The following RNF138 variants were observed in gnomAD, a reference collection of about 807,000 sequenced individuals.
The protein encoded by RNF138 is ring finger protein 138.
In RNF138, 12 loss-of-function variants were observed where a neutral mutation model predicts 31.0. The observed-to-expected ratio is 0.39, with a 90% CI of 0.25 to 0.63. The LOEUF is 0.63. RNF138 is among the 20% of genes least tolerant of loss of function. The pLI is 0.52. For missense variants in RNF138, 192 were observed against 300.1 expected (o/e 0.64, Z 2.66); for synonymous variants, 105 against 99.5 (o/e 1.06, Z -0.33).
At position 32,113,632 on chromosome 18, in the gene RNF138, C is replaced by A. The variant is rs2040168951; in HGVS notation, c.277-113C>A. 9.7e-6 allele frequency: 5 copies of A among 512,928 alleles called. No individual in the cohort carries two copies. The South Asian group carries it at 1.3e-4, about 14-fold the overall frequency. The allele number at this position is 512,928 out of a possible 1,614,324, so 31.8% of individuals were successfully genotyped here. ...TGAAATCATTTACTTTAAAAAAATA[C>A]AACTCCTGTTTAAATGGAGTATTTA... On this transcript the variant is annotated intron_variant, in intron 3 of 7. Coordinates refer to ENST00000261593, the MANE Select transcript of RNF138 (RefSeq NM_016271.5).
At chr18:32,114,884 A>G (rs1321558852) in intron 4 of RNF138, among the ~76,000 whole-genome samples, 2 of 152,068 alleles carry the variant, frequency 1.3e-5, no homozygotes, top group Non-Finnish European at 2.9e-5. Context: ...TCTGGTAAAA[A>G]CCTTTAGTGA....
rs78501371 is a variant in RNF138 at position 32,104,259 on chromosome 18, C to G, written c.111-7495C>G. On this transcript the variant is annotated intron_variant, in intron 2 of 7. Coordinates refer to ENST00000261593, the MANE Select transcript of RNF138 (RefSeq NM_016271.5). ...AACTCCTGAGGTCAAATGATCCCCC[C>G]ACTTCGGCGTCCCAAAGGGCTGAGA... Among the ~76,000 whole-genome samples, 6 of 152,044 alleles carry G rather than the reference C, an allele frequency of 3.9e-5. No homozygotes were observed. In the South Asian group the frequency reaches 8.3e-4, roughly 21 times the overall value.
intron 3 of RNF138, among the ~76,000 whole-genome samples, chr18:32,113,137 A>G (rs896286153): frequency 1.5e-4 from 23 of 152,102 alleles, no homozygotes; most frequent in Non-Finnish European, 2.8e-4. Flanking sequence ...CAGTGGCACA[A>G]TCTCGGCTCA....
intron 1 of RNF138, 52 bp from the exon 2 acceptor site, chr18:32,092,644 TCCTG>T (rs1431390482): frequency 1.1e-5 from 7 of 654,064 alleles, no homozygotes; most frequent in Non-Finnish European, 1.9e-5. Flanking sequence ...CCCGCCCCCT[TCCTG>T]GCGCGCGCTG....
chr18:32,104,491 A>G (rs1260930711), intron 2 of RNF138, among the ~76,000 whole-genome samples: 1 of 152,208 alleles, frequency 6.6e-6, no homozygotes, highest in African/African-American at 2.4e-5. Flanking sequence ...AGAAGAAGAA[A>G]TCAGATACAC....
intron 2 of RNF138, among the ~76,000 whole-genome samples, chr18:32,098,281 C>T (rs1405023725): frequency 3.3e-5 from 5 of 151,970 alleles, no homozygotes; most frequent in Non-Finnish European, 7.4e-5. Context: ...GCTAGGATTA[C>T]AGGTGTGAGC....
chr18:32,122,080 G>A (rs2040315237), intron 4 of RNF138, among the ~76,000 whole-genome samples: 2 of 152,068 alleles, frequency 1.3e-5, no homozygotes, highest in Admixed American at 6.6e-5. Context: ...TGTTGGCTAG[G>A]CTGATCTCGA....
intron 2 of RNF138, among the ~76,000 whole-genome samples, chr18:32,094,746 G>A (rs933819607): frequency 6.6e-6 from 1 of 152,104 alleles, no homozygotes; most frequent in African/African-American, 2.4e-5. Flanking sequence ...GGAGGGAGGA[G>A]AGCAAGGTGA....
At chr18:32,100,289 T>C (rs939088710) in intron 2 of RNF138, among the ~76,000 whole-genome samples, 26 of 151,328 alleles carry the variant, frequency 1.7e-4, no homozygotes, top group Admixed American at 1.1e-3. Flanking sequence ...ACCTCTATTT[T>C]ATTATTTTAT....
chr18:32,111,170 A>G (rs573414138), intron 2 of RNF138, among the ~76,000 whole-genome samples: 2 of 152,354 alleles, frequency 1.3e-5, no homozygotes, highest in East Asian at 1.9e-4. Flanking sequence ...ATAACCAAAT[A>G]TCTGTTAACA....
chr18:32,112,646 C>T (rs998469097), intron 3 of RNF138, among the ~76,000 whole-genome samples: 3 of 152,106 alleles, frequency 2.0e-5, no homozygotes, highest in African/African-American at 7.3e-5. Context: ...TGCGCCATTG[C>T]ACTCCAAACT....
At chr18:32,101,321 C>A (rs2039936047) in intron 2 of RNF138, among the ~76,000 whole-genome samples, 1 of 151,582 alleles carries the variant, frequency 6.6e-6, no homozygotes. Context: ...TAGGTTCAAG[C>A]CATTCTTCTA....
intron 4 of RNF138, among the ~76,000 whole-genome samples, chr18:32,117,003 G>C (rs2040228227): frequency 6.6e-6 from 1 of 152,186 alleles, no homozygotes; most frequent in Non-Finnish European, 1.5e-5. Flanking sequence ...CCAGGTTCAA[G>C]TGATTCTCCT....
intron 6 of RNF138, 198 bp downstream of exon 6, chr18:32,125,043 A>G (rs2040362847): frequency 1.9e-6 from 1 of 514,604 alleles, no homozygotes; most frequent in African/African-American, 1.9e-5. Flanking sequence ...TCTCATTATA[A>G]AAAGGGAGAT....
chr18:32,093,129 TCTCCCGC>T (rs1205231197), intron 2 of RNF138, among the ~76,000 whole-genome samples: 1 of 150,762 alleles, frequency 6.6e-6, no homozygotes, highest in Non-Finnish European at 1.5e-5. Context: ...GCTCTCCCGC[TCTCCCGC>T]TCTCCCGCTC....
At chr18:32,108,087 TC>T (rs2040066776) in intron 2 of RNF138, among the ~76,000 whole-genome samples, 1 of 151,262 alleles carries the variant, frequency 6.6e-6, no homozygotes, top group Non-Finnish European at 1.5e-5. Flanking sequence ...CCTCCTGACT[TC>T]AGGTGATCCA....
intron 2 of RNF138, 39 bp from the exon 3 acceptor site, chr18:32,111,715 A>AT (rs145622518): frequency 3.5e-5 from 54 of 1,532,324 alleles, no homozygotes; most frequent in Middle Eastern, 2.2e-4. Flanking sequence ...GAAGAGAGTA[A>AT]TTTTTTTTGT....
chr18:32,094,514 G>A (rs1296005226), intron 2 of RNF138, among the ~76,000 whole-genome samples: 3 of 151,928 alleles, frequency 2.0e-5, no homozygotes, highest in Non-Finnish European at 4.4e-5. Flanking sequence ...ATCCTTTTGC[G>A]GTTCATAGTG....
chr18:32,123,746 A>T (rs1274481905), intron 5 of RNF138, among the ~76,000 whole-genome samples, 172 bp downstream of exon 5: 1 of 149,388 alleles, frequency 6.7e-6, no homozygotes, highest in Non-Finnish European at 1.5e-5. Flanking sequence ...TGCGCCTCTC[A>T]GGTTCAAGTG....
Sources: allele counts gnomAD v4.1 joint callset (sites outside exome capture counted in the v4.1 genomes callset), GRCh38; gene constraint gnomAD v4.1.1; transcripts MANE v1.5; gene names NCBI Gene and HGNC (gene_info 2026-07-23, HGNC 2026-07-21).